The following SLCO5A1 variants were observed in gnomAD, a reference collection of about 807,000 sequenced individuals.
The protein encoded by SLCO5A1 is solute carrier organic anion transporter family member 5A1, also known as organic anion transporter polypeptide-related protein 4.
In SLCO5A1, 39 loss-of-function variants were observed where a neutral mutation model predicts 65.1. That is an observed-to-expected ratio of 0.60 (90% CI 0.46 to 0.78). The LOEUF is 0.78. Ranked by LOEUF, SLCO5A1 falls within the 30% of genes least tolerant of loss-of-function variation. The pLI is 0.00. For synonymous variants in SLCO5A1, 438 were observed against 415.7 expected, an observed-to-expected ratio of 1.05 and a Z score of -0.65; for missense variants, 1,029 against 1,069.4, an observed-to-expected ratio of 0.96 and a Z score of 0.53.
intron 2 of SLCO5A1, among the ~76,000 whole-genome samples, chr8:69,805,876 G>T (rs1413768722): frequency 4.6e-5 from 7 of 152,190 alleles, no homozygotes; most frequent in Non-Finnish European, 8.8e-5. Flanking sequence ...GCAAAGCGTG[G>T]CAGATGAGAA....
At chr8:69,703,522 A>G (rs867005509) in intron 6 of SLCO5A1, among the ~76,000 whole-genome samples, 3 of 152,210 alleles carry the variant, frequency 2.0e-5, no homozygotes, top group African/African-American at 4.8e-5. Context: ...CTATAAATAC[A>G]TAAATAAATA....
At chr8:69,707,582 A>G (rs149031049) in intron 5 of SLCO5A1, among the ~76,000 whole-genome samples, 8 of 152,216 alleles carry the variant, frequency 5.3e-5, no homozygotes, top group African/African-American at 1.9e-4. Flanking sequence ...ATTTCTGATA[A>G]TGGAGGGCGC....
chr8:69,706,274 C>A (rs1326434391), intron 5 of SLCO5A1, among the ~76,000 whole-genome samples: 1 of 152,148 alleles, frequency 6.6e-6, no homozygotes, highest in Non-Finnish European at 1.5e-5. Context: ...GGTAGTACAA[C>A]TATGAAGAAA....
intron 4 of SLCO5A1, among the ~76,000 whole-genome samples, chr8:69,744,402 T>A (rs757902754): frequency 6.6e-6 from 1 of 152,188 alleles, no homozygotes; most frequent in Non-Finnish European, 1.5e-5. Flanking sequence ...TCCCCACCTA[T>A]CTCCTTGGCA....
rs145756391 is a variant in SLCO5A1, at chr8:69,737,674, A to T, written c.1423+366T>A. On this transcript the variant is annotated intron_variant, in intron 5 of 9. Coordinates refer to ENST00000260126, the MANE Select transcript of SLCO5A1 (RefSeq NM_030958.3). ...TCCTGCTACCATGAAACTGATCTAT[A>T]TTTCAGGTTATCAATTTTTTTTAAC... 8.9e-4 allele frequency among the ~76,000 whole-genome samples: 135 copies of T among 152,298 alleles called. 3 individuals are homozygous for T. Among genetic ancestry groups the T allele is most frequent in the African/African-American group, 3.0e-3 (124 of 41,576 alleles).
In SLCO5A1 at chr8:69,714,678, T is replaced by C. The variant is rs116359874; in HGVS notation, c.1424-9449A>G. 5.1e-3 allele frequency among the ~76,000 whole-genome samples: 784 copies of C among 152,326 alleles called. 7 individuals carry two copies. Among genetic ancestry groups the C allele is most frequent in the African/African-American group, 0.016 (671 of 41,566 alleles). The stretch of plus-strand genomic sequence containing the variant: ...TGTCCTTGAATTTCTAGCGTAGCCT[T>C]GCTGAAATTTTTAGTAAAGGCTTTC... On this transcript the variant is annotated intron_variant, in intron 5 of 9. Transcript: ENST00000260126.
intron 5 of SLCO5A1, among the ~76,000 whole-genome samples, chr8:69,709,995 A>G (rs1815154087): frequency 6.8e-6 from 1 of 147,924 alleles, no homozygotes; most frequent in Non-Finnish European, 1.5e-5. Context: ...AATCCTCACC[A>G]GAGTCCTGTG....
chr8:69,831,198 T>G (rs929990553), intron 2 of SLCO5A1, among the ~76,000 whole-genome samples: 3 of 151,252 alleles, frequency 2.0e-5, no homozygotes, highest in Non-Finnish European at 2.9e-5. Context: ...AGGCGGAGGT[T>G]GCAGTGAGCT....
At chr8:69,789,657 G>GT (rs1819185333) in intron 2 of SLCO5A1, among the ~76,000 whole-genome samples, 1 of 152,022 alleles carries the variant, frequency 6.6e-6, no homozygotes, top group South Asian at 2.1e-4. Context: ...GTATGTCAGG[G>GT]TTTTTTGTTA....
chr8:69,795,897 C>A (rs1330593438), intron 2 of SLCO5A1, among the ~76,000 whole-genome samples: 1 of 152,262 alleles, frequency 6.6e-6, no homozygotes, highest in Admixed American at 6.5e-5. Context: ...GCTCTGTGCA[C>A]CAACAGGGTT....
chr8:69,709,635 C>T (rs1815134958), intron 5 of SLCO5A1, among the ~76,000 whole-genome samples: 1 of 152,092 alleles, frequency 6.6e-6, no homozygotes, highest in African/African-American at 2.4e-5. Flanking sequence ...GACGTTTTTC[C>T]TCCGAGAATT....
chr8:69,753,798 G>A (rs1817429317), intron 4 of SLCO5A1, among the ~76,000 whole-genome samples: 1 of 151,780 alleles, frequency 6.6e-6, no homozygotes, highest in African/African-American at 2.4e-5. Context: ...ATCACCTGAG[G>A]TCAGGAGCTC....
chr8:69,794,533 G>T, intron 2 of SLCO5A1: 1 of 384,684 alleles, frequency 2.6e-6, no homozygotes, highest in Non-Finnish European at 5.2e-6. Flanking sequence ...CACTCTTTCA[G>T]CTCTCTATGT....
At position 69,705,240 on chromosome 8, in the gene SLCO5A1, GAGA is replaced by G. The variant is rs1814918535; in HGVS notation, c.1424-14_1424-12del. ...GGACGATAATAACCCCTGGGGAGAA[GAGA>G]AGGAGAGGATTAATTTGAACTCATG... On this transcript the variant is annotated splice_polypyrimidine_tract_variant and intron_variant, in intron 5 of 9. Coordinates refer to ENST00000260126, the MANE Select transcript of SLCO5A1 (RefSeq NM_030958.3). The G allele has an allele frequency of 1.9e-6, 3 of 1,611,712 alleles. No homozygotes were observed. The highest frequency in any genetic ancestry group is 1.3e-5 in the African/African-American group (1 of 74,940).
At chr8:69,727,631 G>C (rs567047148) in intron 5 of SLCO5A1, among the ~76,000 whole-genome samples, 22 of 152,348 alleles carry the variant, frequency 1.4e-4, no homozygotes, top group Admixed American at 1.2e-3. Context: ...CTGGCTCAGA[G>C]TGGAAGCCTA....
intron 2 of SLCO5A1, among the ~76,000 whole-genome samples, chr8:69,824,497 AC>A (rs1235571987): frequency 6.6e-6 from 1 of 152,138 alleles, no homozygotes; most frequent in Non-Finnish European, 1.5e-5. Context: ...TACTACAAAC[AC>A]CTCTCCGCAA....
intron 4 of SLCO5A1, among the ~76,000 whole-genome samples, chr8:69,747,304 C>T (rs1421405440): frequency 1.3e-5 from 2 of 152,136 alleles, no homozygotes; most frequent in Non-Finnish European, 2.9e-5. Flanking sequence ...TCTCATGAAA[C>T]TTCTTGATCC....
At chr8:69,700,705 G>C (rs1328767003) in intron 6 of SLCO5A1, among the ~76,000 whole-genome samples, 2 of 151,844 alleles carry the variant, frequency 1.3e-5, no homozygotes, top group African/African-American at 4.8e-5. Flanking sequence ...CTTCCAAAAA[G>C]AGCATTAGAA....
intron 5 of SLCO5A1, among the ~76,000 whole-genome samples, chr8:69,732,247 C>T (rs748669761): frequency 1.8e-4 from 28 of 152,078 alleles, no homozygotes; most frequent in Non-Finnish European, 3.7e-4. Flanking sequence ...AAATTACACC[C>T]CAACCTAATT....
Sources: gnomAD v4.1 joint callset for allele counts (sites outside exome capture counted in the v4.1 genomes callset) on GRCh38, gnomAD v4.1.1 for gene constraint, MANE v1.5 for transcripts, NCBI Gene and HGNC (gene_info 2026-07-23, HGNC 2026-07-21) for gene names.